The following ZFAND5 variants were observed in gnomAD, a reference collection of about 807,000 sequenced individuals.
ZFAND5 encodes AN1-type zinc finger protein 5.
In ZFAND5, 4 loss-of-function variants were observed where a neutral mutation model predicts 23.6. That is an observed-to-expected ratio of 0.17 (90% CI 0.08 to 0.39). The LOEUF (loss-of-function observed/expected upper bound fraction) is 0.39, where lower values mean the gene tolerates loss of function less well. ZFAND5 is among the 10% of genes least tolerant of loss of function. The probability of loss-of-function intolerance (pLI) is 1.00; values close to 1 mark genes in which losing one functional copy is unlikely to be tolerated. For synonymous variants in ZFAND5, 68 were observed against 80.6 expected, an observed-to-expected ratio of 0.84 and a Z score of 0.84; for missense variants, 161 against 253.7, an observed-to-expected ratio of 0.63 and a Z score of 2.48.
chr9:72,359,039 T>C (rs1842021108), intron 5 of ZFAND5, among the ~76,000 whole-genome samples: 1 of 152,204 alleles, frequency 6.6e-6, no homozygotes, highest in Non-Finnish European at 1.5e-5. Flanking sequence ...TATGTTGTTC[T>C]ACTTAAAAGT....
At chr9:72,362,564 A>C (rs759749201) in intron 2 of ZFAND5, among the ~76,000 whole-genome samples, 6 of 152,192 alleles carry the variant, frequency 3.9e-5, no homozygotes, top group Admixed American at 2.0e-4. Context: ...AAAATGGAGG[A>C]TACTCCATCT....
intron 2 of ZFAND5, among the ~76,000 whole-genome samples, chr9:72,361,717 G>C (rs1842108493): frequency 1.3e-5 from 2 of 152,196 alleles, no homozygotes; most frequent in Admixed American, 1.3e-4. Context: ...TAAAAGTCTT[G>C]TTAAAACGCT....
At chr9:72,360,028 T>TA in intron 4 of ZFAND5, 82 bp downstream of exon 4, 1 of 1,170,130 alleles carries the variant, frequency 8.5e-7, no homozygotes, top group African/African-American at 1.6e-5. Flanking sequence ...CAAGGGTATC[T>TA]ATTAACTTAT....
chr9:72,362,148 CTT>C (rs982625177), intron 2 of ZFAND5, among the ~76,000 whole-genome samples: 3 of 152,168 alleles, frequency 2.0e-5, no homozygotes, highest in African/African-American at 7.2e-5. Context: ...CCACAACTTA[CTT>C]TTAACAACAG....
intron 1 of ZFAND5, 38 bp downstream of exon 1, chr9:72,364,658 A>T (rs1411516790): frequency 8.7e-7 from 1 of 1,144,496 alleles, no homozygotes; most frequent in Non-Finnish European, 1.1e-6. Context: ...CCCGGCAACA[A>T]GGAGCCCGGC....
chr9:72,357,793 C>T lies in ZFAND5; in HGVS notation c.368-737G>A, dbSNP rs116748559. Among the ~76,000 whole-genome samples the T allele has an allele frequency of 4.1e-3, 623 of 152,180 alleles. 2 individuals are homozygous for T. Among genetic ancestry groups the T allele is most frequent in the African/African-American group, 0.014 (584 of 41,528 alleles). ...GGGCATCCACTATCGACAGAGATAGCATCTACAAACAGTCCCACCGTTTCT... is the reference window on the plus strand; with the variant it reads ...GGGCATCCACTATCGACAGAGATAGTATCTACAAACAGTCCCACCGTTTCT... On this transcript the variant is annotated intron_variant, in intron 5 of 6. Coordinates refer to ENST00000376962, the MANE Select transcript of ZFAND5 (RefSeq NM_001102420.3).
At position 72,364,820 on chromosome 9, in the gene ZFAND5, C is replaced by G. The variant is rs1842217953; in HGVS notation, c.-271G>C. The G allele has an allele frequency of 5.6e-6, 1 of 177,530 alleles. No individual in the cohort carries two copies. Among genetic ancestry groups the G allele is most frequent in the Admixed American group, 6.5e-5 (1 of 15,272 alleles). The allele number at this position is 177,530 out of a possible 1,614,324, so 11.0% of individuals were successfully genotyped here. On this transcript the variant is annotated 5_prime_UTR_variant, in exon 1 of 7. Transcript: ENST00000376962. ...CCGCCGCCGCGGGCCGGGAGCGGGT[C>G]GGAGCAGCAGGCGGAGGTGGCGCCG...
rs1370972095 is a variant in ZFAND5 at position 72,355,388 on chromosome 9, A to T, written c.*565T>A. The T allele has an allele frequency of 6.5e-6, 1 of 152,678 alleles. No individual in the cohort carries two copies. The highest frequency in any genetic ancestry group is 6.5e-5 in the Admixed American group (1 of 15,284). 9.5% of individuals were successfully genotyped at this position (152,678 alleles called of 1,614,324 possible). On this transcript the variant is annotated 3_prime_UTR_variant, in exon 7 of 7. Transcript: ENST00000376962. ...ATGTCTTATTTGACAGCTTTAGATG[A>T]CCAATTTAACCAGGCTTATATATGG...
In ZFAND5 at chr9:72,355,285, T is replaced by C. The variant is rs537986574; in HGVS notation, c.*668A>G. On this transcript the variant is annotated 3_prime_UTR_variant, in exon 7 of 7. Coordinates refer to ENST00000376962, the MANE Select transcript of ZFAND5 (RefSeq NM_001102420.3). ...TCTGGTGCAGGCCAGTACAATAAGC[T>C]TCAAAGGTTATCTCAAGACCCTGTT... 6.5e-6 allele frequency: 1 copy of C among 152,692 alleles called. No individual in the cohort carries two copies. The highest frequency in any genetic ancestry group is 1.5e-5 in the Non-Finnish European group (1 of 68,046). 9.5% of individuals were successfully genotyped at this position (152,692 alleles called of 1,614,324 possible).
intron 1 of ZFAND5, chr9:72,364,481 G>A (rs2809275): frequency 3.9e-6 from 5 of 1,280,750 alleles, no homozygotes; most frequent in African/African-American, 1.6e-5. Flanking sequence ...GAGCGAGCCA[G>A]GGACGCCGGG....
rs1198990231 is a variant in ZFAND5 at position 72,355,960 on chromosome 9, C to T, written c.635G>A (p.Arg212Lys). The T allele has an allele frequency of 6.2e-7, 1 of 1,604,216 alleles. No individual in the cohort carries two copies. Among genetic ancestry groups the T allele is most frequent in the Non-Finnish European group, 8.5e-7 (1 of 1,176,824 alleles). The change falls in exon 7 of 7, where the codon AGA becomes AAA. Residue 212 changes from arginine to lysine, a missense_variant. Around this residue, in one of 3 missense-constraint regions of ZFAND5, gnomAD observed 24 missense variants for 80.0 expected, o/e 0.30. Coordinates refer to ENST00000376962, the MANE Select transcript of ZFAND5 (RefSeq NM_001102420.3). Reference protein sequence around the residue: ...NPVVVAEKIQRI With the variant: ...NPVVVAEKIQKI ...CTCTTCACAAGAAGTAATTTATATT[C>T]TCTGAATTTTTTCAGCCACAACAAC...
chr9:72,363,809 C>A, intron 1 of ZFAND5: 3 of 275,408 alleles, frequency 1.1e-5, no homozygotes, highest in Non-Finnish European at 1.7e-5. Context: ...GTATCTAAAT[C>A]CCAGGTTTAA....
intron 1 of ZFAND5, chr9:72,364,314 G>A (rs1044082039): frequency 4.8e-5 from 43 of 892,764 alleles, no homozygotes; most frequent in Non-Finnish European, 5.6e-5. Flanking sequence ...GGGAGAGCTA[G>A]GGGGGGCTGC....
At chr9:72,356,813 GC>G in intron 6 of ZFAND5, 117 bp downstream of exon 6, 1 of 1,236,952 alleles carries the variant, frequency 8.1e-7, no homozygotes, top group Non-Finnish European at 1.1e-6. Flanking sequence ...CTAGACTACA[GC>G]TAGTCAGGCT....
rs1225980955 is a variant in ZFAND5 at position 72,359,511 on chromosome 9, C to T, written c.274G>A (p.Val92Met). Reference sequence around the variant, plus strand: ...TGCTGAGTTACAGGCAAGGCAGCCACAGGCACATTTCTATTTGAGTTCAAG... The same window carrying T: ...TGCTGAGTTACAGGCAAGGCAGCCATAGGCACATTTCTATTTGAGTTCAAG... The part of the protein sequence containing the change: ...STSEKSRNVP[V>M]AALPVTQQMT... Residue 92 changes from valine to methionine, a missense_variant, in exon 5 of 7, where the codon GTG becomes ATG. Around this residue, in one of 3 missense-constraint regions of ZFAND5, gnomAD observed 116 missense variants for 115.2 expected, o/e 1.01. Transcript: ENST00000376962. The T allele has an allele frequency of 2.5e-6, 4 of 1,613,446 alleles. No individual in the cohort carries two copies. Among genetic ancestry groups the T allele is most frequent in the Non-Finnish European group, 3.4e-6 (4 of 1,179,652 alleles).
intron 4 of ZFAND5, 104 bp from the exon 5 acceptor site, chr9:72,359,625 G>A (rs1842041060): frequency 2.9e-6 from 3 of 1,018,572 alleles, no homozygotes; most frequent in Admixed American, 5.9e-5. Flanking sequence ...TTTCCAAAAT[G>A]AGCAAATGGA....
At chr9:72,361,805 G>A (rs1204209810) in intron 2 of ZFAND5, among the ~76,000 whole-genome samples, 2 of 152,182 alleles carry the variant, frequency 1.3e-5, no homozygotes, top group South Asian at 2.1e-4. Flanking sequence ...TAAAGTTGTG[G>A]AGGGTTTTCA....
At chr9:72,359,839 A>G (rs1196351396) in intron 4 of ZFAND5, among the ~76,000 whole-genome samples, 2 of 152,182 alleles carry the variant, frequency 1.3e-5, no homozygotes, top group Non-Finnish European at 2.9e-5. Context: ...TGGCCCAATA[A>G]TATTCTACAG....
At position 72,355,942 on chromosome 9, in the gene ZFAND5, C is replaced by T. The variant is rs1054037464; in HGVS notation, c.*11G>A. 1 of 1,595,970 alleles carries T rather than the reference C, an allele frequency of 6.3e-7. No homozygotes were observed. The highest frequency in any genetic ancestry group is 8.5e-7 in the Non-Finnish European group (1 of 1,172,938). ...TAAAAACAAAGTTTCAGTCTCTTCA[C>T]AAGAAGTAATTTATATTCTCTGAAT... On this transcript the variant is annotated 3_prime_UTR_variant, in exon 7 of 7. Transcript: ENST00000376962.
Sources: allele counts gnomAD v4.1 joint callset (sites outside exome capture counted in the v4.1 genomes callset), GRCh38; gene constraint gnomAD v4.1.1; regional missense constraint gnomAD v4.1.1; transcripts MANE v1.5; gene names NCBI Gene and HGNC (gene_info 2026-07-23, HGNC 2026-07-21).